The following LRP1B variants were observed in gnomAD, a reference collection of about 807,000 sequenced individuals.
The protein encoded by LRP1B is LDL receptor related protein 1B, also known as low-density lipoprotein receptor-related protein 1B.
In LRP1B, 217 loss-of-function variants were observed where a neutral mutation model predicts 556.6. The ratio of observed to expected loss-of-function variants is 0.39; its 90% CI spans 0.35 to 0.44. The LOEUF (loss-of-function observed/expected upper bound fraction) is 0.44, where lower values mean the gene tolerates loss of function less well. Among genes scored for constraint, LRP1B ranks in the 20% least tolerant of loss-of-function variants. LRP1B has a pLI of 1.00. For missense variants in LRP1B, 5,053 were observed against 5,620.8 expected (o/e 0.90, Z 3.23); for synonymous variants, 2,047 against 1,865.8 (o/e 1.10, Z -2.50).
chr2:141,051,642 T>G (rs974572872), intron 10 of LRP1B, among the ~76,000 whole-genome samples: 2 of 152,090 alleles, frequency 1.3e-5, no homozygotes, highest in African/African-American at 2.4e-5. Flanking sequence ...CCAAACCCAT[T>G]CTCCTCCAAC....
chr2:141,002,768 C>T (rs1227501572), intron 15 of LRP1B, among the ~76,000 whole-genome samples: 1 of 151,866 alleles, frequency 6.6e-6, no homozygotes, highest in Non-Finnish European at 1.5e-5. Context: ...CAATGGAGTG[C>T]TAAAAGTTTA....
chr2:141,254,669 T>C, intron 3 of LRP1B, 28 bp from the exon 4 acceptor site: 1 of 1,524,714 alleles, frequency 6.6e-7, no homozygotes, highest in Non-Finnish European at 9.0e-7. Context: ...ATATATTCTC[T>C]ATATTTAACT....
chr2:140,268,978 G>C (rs1178750986), intron 86 of LRP1B, among the ~76,000 whole-genome samples: 1 of 151,882 alleles, frequency 6.6e-6, no homozygotes, highest in Non-Finnish European at 1.5e-5. Context: ...TAAAACACCT[G>C]CTTCTGTACT....
chr2:140,952,423 A>C (rs1249841707), intron 18 of LRP1B, among the ~76,000 whole-genome samples: 3 of 152,194 alleles, frequency 2.0e-5, no homozygotes, highest in African/African-American at 7.2e-5. Flanking sequence ...GTTAAAAAAA[A>C]AATAAACACA....
chr2:141,256,955 T>G (rs1684487829), intron 3 of LRP1B, among the ~76,000 whole-genome samples: 1 of 151,216 alleles, frequency 6.6e-6, no homozygotes, highest in Non-Finnish European at 1.5e-5. Flanking sequence ...CATGTGAAAA[T>G]CAAAGAGAAG....
intron 86 of LRP1B, among the ~76,000 whole-genome samples, chr2:140,259,516 A>G (rs935447111): frequency 5.3e-5 from 8 of 152,044 alleles, no homozygotes; most frequent in African/African-American, 1.9e-4. Context: ...CTGACTCTCC[A>G]TTCTTTGAAA....
At chr2:141,601,631 CTTCCTTCCTTCCT>C (rs1044176191) in intron 2 of LRP1B, among the ~76,000 whole-genome samples, 1 of 150,524 alleles carries the variant, frequency 6.6e-6, no homozygotes, top group Non-Finnish European at 1.5e-5. Flanking sequence ...TCCTTCCTTC[CTTCCTTCCTTCCT>C]TTTTTTTTCC....
At chr2:141,436,662 T>C (rs1194204961) in intron 3 of LRP1B, among the ~76,000 whole-genome samples, 1 of 152,204 alleles carries the variant, frequency 6.6e-6, no homozygotes, top group African/African-American at 2.4e-5. Flanking sequence ...TGTATTATTT[T>C]CCTTGGATTC....
At chr2:141,895,213 T>TA (rs1422232342) in intron 1 of LRP1B, among the ~76,000 whole-genome samples, 2 of 152,220 alleles carry the variant, frequency 1.3e-5, no homozygotes, top group Non-Finnish European at 2.9e-5. Flanking sequence ...TATTTGGTAA[T>TA]AAAAATACCC....
At chr2:141,662,713 T>A (rs573557381) in intron 2 of LRP1B, among the ~76,000 whole-genome samples, 1 of 151,382 alleles carries the variant, frequency 6.6e-6, no homozygotes, top group Non-Finnish European at 1.5e-5. Flanking sequence ...AGACTTAGAC[T>A]CCCACACAAT....
intron 21 of LRP1B, among the ~76,000 whole-genome samples, chr2:140,922,033 T>C (rs147693257): frequency 1.1e-3 from 169 of 152,162 alleles, no homozygotes; most frequent in African/African-American, 3.9e-3. Context: ...ATTGCAGAGA[T>C]GTTATCATGA....
At chr2:141,654,409 T>A (rs1248411452) in intron 2 of LRP1B, among the ~76,000 whole-genome samples, 1 of 152,106 alleles carries the variant, frequency 6.6e-6, no homozygotes, top group Non-Finnish European at 1.5e-5. Flanking sequence ...ACTGAAACCT[T>A]GCTTGAACTG....
chr2:141,771,913 A>G (rs1694912816), intron 2 of LRP1B, among the ~76,000 whole-genome samples: 1 of 151,760 alleles, frequency 6.6e-6, no homozygotes, highest in South Asian at 2.1e-4. Flanking sequence ...CTGCCTTCCT[A>G]TTTCAAGCAA....
At chr2:141,469,435 A>G (rs1030613804) in intron 3 of LRP1B, among the ~76,000 whole-genome samples, 2 of 152,106 alleles carry the variant, frequency 1.3e-5, no homozygotes, top group Non-Finnish European at 2.9e-5. Context: ...CTTATTTCTT[A>G]GTTCTAGAGG....
chr2:141,387,785 G>A (rs1689884567), intron 3 of LRP1B, among the ~76,000 whole-genome samples: 1 of 152,088 alleles, frequency 6.6e-6, no homozygotes, highest in African/African-American at 2.4e-5. Flanking sequence ...TATAAAAGAG[G>A]AAGGAACATT....
chr2:141,069,364 ATTGAT>A (rs1194489543), intron 7 of LRP1B, among the ~76,000 whole-genome samples: 15 of 152,188 alleles, frequency 9.9e-5, no homozygotes, highest in African/African-American at 2.4e-4. Context: ...CATTTTTATT[ATTGAT>A]TTATTTTTTC....
intron 1 of LRP1B, among the ~76,000 whole-genome samples, chr2:142,078,320 C>T (rs1449481): frequency 0.43 from 64,950 of 151,938 alleles, 15,963 homozygotes; most frequent in East Asian, 0.69. Context: ...CCAAGATATC[C>T]TCCTTCCCTT....
intron 33 of LRP1B, 135 bp downstream of exon 33, chr2:140,775,957 GTAGTAA>G (rs1689480290): frequency 1.5e-6 from 1 of 654,736 alleles, no homozygotes; most frequent in Non-Finnish European, 2.5e-6. Context: ...TTCTCCTACA[GTAGTAA>G]GCAACATTTT....
At position 141,331,026 on chromosome 2, in the gene LRP1B, G is replaced by C. The variant is rs555578459; in HGVS notation, c.344-76385C>G. ...GTCCGCCTCGGCCTCCCAAAGTGCT[G>C]GGATTACAGGCGTGACAAACCCTAT... On this transcript the variant is annotated intron_variant, in intron 3 of 90. Coordinates refer to ENST00000389484, the MANE Select transcript of LRP1B (RefSeq NM_018557.3). Among the ~76,000 whole-genome samples the C allele has an allele frequency of 3.3e-5, 5 of 152,174 alleles. No homozygotes were observed. The South Asian group carries it at 1.0e-3, about 32-fold the overall frequency.
Sources: gnomAD v4.1 joint callset for allele counts (sites outside exome capture counted in the v4.1 genomes callset) on GRCh38, gnomAD v4.1.1 for gene constraint, MANE v1.5 for transcripts, NCBI Gene and HGNC (gene_info 2026-07-23, HGNC 2026-07-21) for gene names.